The following BRWD3 variants were observed in gnomAD, a reference collection of about 807,000 sequenced individuals.
The protein encoded by BRWD3 is bromodomain and WD repeat domain containing 3, also known as bromodomain and WD repeat-containing protein 3.
BRWD3 carries 10 observed loss-of-function variants against 149.7 expected under a neutral mutation model. The observed-to-expected ratio is 0.07, with a 90% CI of 0.04 to 0.11. BRWD3 has a LOEUF of 0.11. Among genes scored for constraint, BRWD3 ranks in the 10% least tolerant of loss-of-function variants. The pLI is 1.00. For missense variants in BRWD3, 940 were observed against 1,373.2 expected (o/e 0.68, Z 4.99); for synonymous variants, 504 against 456.7 (o/e 1.10, Z -1.32).
In BRWD3 at chrX:80,803,485, GA is replaced by G. The variant is rs201088235; in HGVS notation, c.180+5053del. On this transcript the variant is annotated intron_variant, in intron 4 of 40. Coordinates refer to ENST00000373275, the MANE Select transcript of BRWD3 (RefSeq NM_153252.5). ...GTACGTTCCTTAGAGCCCATCTGTG[GA>G]AAAAAAAATGCCAAGGATCAATCTA... Among the ~76,000 whole-genome samples, 3 of 109,444 alleles carry G rather than the reference GA, an allele frequency of 2.7e-5. No homozygotes were observed. In the East Asian group the frequency reaches 8.5e-4, roughly 31 times the overall value.
chrX:80,681,384 C>T lies in BRWD3; in HGVS notation c.4611G>A (p.Gly1537=), dbSNP rs779035596. 1 of 1,210,856 alleles carries T rather than the reference C, an allele frequency of 8.3e-7. No homozygotes were observed. Among genetic ancestry groups the T allele is most frequent in the Admixed American group, 2.2e-5 (1 of 45,911 alleles). Residue 1537 remains glycine (G), a synonymous_variant, in exon 40 of 41, where the codon GGG becomes GGA. Transcript: ENST00000373275. The stretch of plus-strand genomic sequence containing the variant: ...CTCTATTCCGAAATGATTTGGCTTT[C>T]CCTGGGTCATGGCTATTTCCACTTC... The part of the protein sequence containing the change: ...YSRSGNSHDP[G]KAKSFRNRVL...
intron 4 of BRWD3, 107 bp from the exon 5 acceptor site, chrX:80,793,879 T>C: frequency 8.0e-6 from 7 of 874,410 alleles, no homozygotes; most frequent in Non-Finnish European, 1.1e-5. Context: ...AAAGTACAGT[T>C]TTAAAATATG....
rs182952484 is a variant in BRWD3, at chrX:80,695,975, C to T, written c.3084G>A (p.Pro1028=). 1.3e-4 allele frequency: 154 copies of T among 1,204,662 alleles called. No individual in the cohort carries two copies. Among genetic ancestry groups the T allele is most frequent in the South Asian group, 2.5e-4 (14 of 56,572 alleles). ...GTAGCACAAGGAAGTCAATGACATC[C>T]GGCATGTCATGATACCTATACAGAA... ...ESFSIKYHDM[P]DVIDFLVLHQ... is the part of the protein sequence containing the mutation. Residue 1028 remains proline (P), a synonymous_variant, in exon 27 of 41, where the codon CCG becomes CCA. Coordinates refer to ENST00000373275, the MANE Select transcript of BRWD3 (RefSeq NM_153252.5).
In BRWD3 at chrX:80,735,204, A is replaced by G. The variant is rs755425175; in HGVS notation, c.915-7T>C. On this transcript the variant is annotated splice_region_variant and splice_polypyrimidine_tract_variant and intron_variant, in intron 9 of 40. Transcript: ENST00000373275. ...AAATTTCACCGGGCGATCTCTAAAG[A>G]TAAAAATAAGGTGTTTTTGTGTTTC... 1.5e-5 allele frequency: 18 copies of G among 1,196,792 alleles called. No homozygotes were observed. The South Asian group carries it at 2.7e-4, about 18-fold the overall frequency.
intron 4 of BRWD3, among the ~76,000 whole-genome samples, chrX:80,807,684 A>G (rs2074361285): frequency 8.9e-6 from 1 of 112,209 alleles, no homozygotes; most frequent in African/African-American, 3.2e-5. Flanking sequence ...AGGTACATTT[A>G]TACTATGAAT....
intron 6 of BRWD3, among the ~76,000 whole-genome samples, chrX:80,767,353 G>T (rs1188156921): frequency 3.6e-5 from 4 of 111,687 alleles, no homozygotes; most frequent in East Asian, 5.6e-4. Flanking sequence ...GCTTCTAGAA[G>T]AAGTATCAGG....
At chrX:80,730,070 C>T (rs1569265089) in intron 12 of BRWD3, 50 bp from the exon 13 acceptor site, 1 of 902,741 alleles carries the variant, frequency 1.1e-6, no homozygotes, top group South Asian at 2.1e-5. Flanking sequence ...ATGTAAATCA[C>T]TTTTTTTTGA....
chrX:80,806,353 G>GA (rs1172503747), intron 4 of BRWD3, among the ~76,000 whole-genome samples: 7 of 108,532 alleles, frequency 6.4e-5, no homozygotes, highest in Admixed American at 9.8e-5. Flanking sequence ...CACTAGTAAT[G>GA]AAAAAAAAAG....
intron 14 of BRWD3, among the ~76,000 whole-genome samples, chrX:80,725,666 T>C (rs1278062447): frequency 1.8e-5 from 2 of 112,484 alleles, no homozygotes; most frequent in Non-Finnish European, 3.8e-5. Flanking sequence ...ATGTGTTACA[T>C]GCCTATATAA....
At chrX:80,778,229 G>A (rs756542903) in intron 6 of BRWD3, among the ~76,000 whole-genome samples, 2 of 111,378 alleles carry the variant, frequency 1.8e-5, no homozygotes, top group Non-Finnish European at 3.8e-5. Context: ...ACTTTAGTAG[G>A]CCAGAATTTT....
At chrX:80,746,355 T>C (rs2073592986) in intron 6 of BRWD3, among the ~76,000 whole-genome samples, 1 of 111,175 alleles carries the variant, frequency 9.0e-6, no homozygotes, top group Admixed American at 9.7e-5. Flanking sequence ...CTTTAAAGGC[T>C]TCATCTCCTA....
At chrX:80,704,940 TA>T (rs2072840754) in intron 22 of BRWD3, 94 bp from the exon 23 acceptor site, 1 of 897,257 alleles carries the variant, frequency 1.1e-6, no homozygotes, top group Admixed American at 2.5e-5. Context: ...AACAGCATTA[TA>T]AATGACATGG....
At chrX:80,746,801 G>A in intron 6 of BRWD3, 1 of 720,320 alleles carries the variant, frequency 1.4e-6, no homozygotes, top group Non-Finnish European at 1.6e-6. Context: ...TCAAAAATAT[G>A]AAATCTTTCA....
chrX:80,677,058 G>C lies in BRWD3; in HGVS notation c.4960C>G (p.Leu1654Val), dbSNP rs2072373855. 1 of 1,209,367 alleles carries C rather than the reference G, an allele frequency of 8.3e-7. No individual in the cohort carries two copies. Among genetic ancestry groups the C allele is most frequent in the Admixed American group, 2.2e-5 (1 of 45,663 alleles). Residue 1654 changes from leucine to valine, a missense_variant, in exon 41 of 41, where the codon CTC becomes GTC. Around this residue, in one of 6 missense-constraint regions of BRWD3, gnomAD observed 349 missense variants for 419.6 expected, o/e 0.83. Transcript: ENST00000373275. ...KFIQTRPKRK[L>V]RKQHGNGKRN... is the part of the protein sequence containing the mutation. ...TTTCCATTGCCATGTTGCTTTCTGAGTTTTCTTTTAGGTCTGGTTTGTATG... is the reference window on the plus strand; with the variant it reads ...TTTCCATTGCCATGTTGCTTTCTGACTTTTCTTTTAGGTCTGGTTTGTATG...
intron 4 of BRWD3, among the ~76,000 whole-genome samples, chrX:80,805,772 A>G (rs2147872084): frequency 9.0e-6 from 1 of 111,108 alleles, no homozygotes; most frequent in South Asian, 3.8e-4. Context: ...CGTCTCTACT[A>G]AAAAATACAA....
At chrX:80,694,080 C>T (rs937443474) in intron 27 of BRWD3, among the ~76,000 whole-genome samples, 37 of 111,339 alleles carry the variant, frequency 3.3e-4, no homozygotes, top group African/African-American at 1.1e-3. Flanking sequence ...CCCTGCTCTG[C>T]GCACACTTGG....
chrX:80,733,999 A>G, intron 11 of BRWD3, 119 bp downstream of exon 11: 3 of 546,993 alleles, frequency 5.5e-6, no homozygotes, highest in Non-Finnish European at 9.8e-6. Context: ...TGACAAGAGT[A>G]AAGTGTAAGC....
At position 80,809,814 on chromosome X, in the gene BRWD3, TGGGGGGGCGGAGA is replaced by T. The variant is rs2074395190; in HGVS notation, c.-356_-344del. The T allele has an allele frequency of 1.6e-4, 3 of 19,007 alleles. No individual in the cohort carries two copies. The highest frequency in any genetic ancestry group is 7.7e-4 in the Admixed American group (1 of 1,295). 1.6% of individuals were successfully genotyped at this position (19,007 alleles called of 1,213,427 possible). ...GAGAGAGAGAGAGAGACGCGGGGGG[TGGGGGGGCGGAGA>T]GAGAGAGAGAGAGAGAGATAGACGG... is the stretch of plus-strand genomic sequence containing the variant. On this transcript the variant is annotated 5_prime_UTR_variant, in exon 1 of 41. Coordinates refer to ENST00000373275, the MANE Select transcript of BRWD3 (RefSeq NM_153252.5).
chrX:80,756,185 T>C (rs1357656993), intron 6 of BRWD3, among the ~76,000 whole-genome samples: 1 of 111,100 alleles, frequency 9.0e-6, no homozygotes, highest in Non-Finnish European at 1.9e-5. Flanking sequence ...TTCTCAGTGA[T>C]TGTTAATATA....
Sources: gnomAD v4.1 joint callset for allele counts (sites outside exome capture counted in the v4.1 genomes callset) on GRCh38, gnomAD v4.1.1 for gene constraint, gnomAD v4.1.1 regional missense constraint, MANE v1.5 for transcripts, NCBI Gene and HGNC (gene_info 2026-07-23, HGNC 2026-07-21) for gene names.